The following GUCY2F variants were observed in gnomAD, a reference collection of about 807,000 sequenced individuals.
GUCY2F encodes retinal guanylyl cyclase 2.
Under a neutral mutation model 73.1 loss-of-function variants are expected in GUCY2F, and 61 were observed. The ratio of observed to expected loss-of-function variants is 0.83; its 90% CI spans 0.68 to 1.03. The LOEUF is 1.03. GUCY2F is among the 50% of genes least tolerant of loss of function. GUCY2F has a pLI of 0.00. For synonymous variants in GUCY2F, 331 were observed against 307.8 expected, an observed-to-expected ratio of 1.08 and a Z score of -0.79; for missense variants, 912 against 854.3, an observed-to-expected ratio of 1.07 and a Z score of -0.84.
At chrX:109,387,166 C>T (rs1333246952) in intron 15 of GUCY2F, among the ~76,000 whole-genome samples, 1 of 111,629 alleles carries the variant, frequency 9.0e-6, no homozygotes, top group East Asian at 2.8e-4. Flanking sequence ...CTTGGTGTCC[C>T]AGGCTTGGGT....
intron 8 of GUCY2F, among the ~76,000 whole-genome samples, 182 bp from the exon 9 acceptor site, chrX:109,409,350 C>A (rs1425451290): frequency 9.0e-6 from 1 of 111,390 alleles, no homozygotes; most frequent in Non-Finnish European, 1.9e-5. Context: ...TGTTATACAA[C>A]AAAAAGGAGA....
chrX:109,423,578 C>CA (rs998929351), intron 8 of GUCY2F, among the ~76,000 whole-genome samples: 1 of 96,046 alleles, frequency 1.0e-5, no homozygotes, highest in Non-Finnish European at 2.1e-5. Context: ...TCTTCTTTTC[C>CA]TTTTTTTTTT....
intron 19 of GUCY2F, among the ~76,000 whole-genome samples, chrX:109,373,662 G>A (rs183814394): frequency 8.9e-5 from 10 of 111,797 alleles, no homozygotes; most frequent in Admixed American, 3.8e-4. Flanking sequence ...TAATCAAAAC[G>A]AAACTGCCAA....
intron 8 of GUCY2F, among the ~76,000 whole-genome samples, chrX:109,416,933 C>CAAAAAAAAAA (rs367707786): frequency 1.7e-5 from 1 of 57,634 alleles, no homozygotes; most frequent in Non-Finnish European, 3.8e-5. Flanking sequence ...CAAAGAAATG[C>CAAAAAAAAAA]AAAAAAAAAA....
intron 7 of GUCY2F, among the ~76,000 whole-genome samples, chrX:109,432,227 C>T (rs985667233): frequency 8.0e-5 from 9 of 111,854 alleles, no homozygotes; most frequent in Admixed American, 1.9e-4. Flanking sequence ...CAGCCTTTGC[C>T]TTTTCCTCGT....
intron 4 of GUCY2F, 114 bp from the exon 5 acceptor site, chrX:109,452,221 C>G (rs1932150948): frequency 2.0e-6 from 1 of 494,341 alleles, no homozygotes; most frequent in Non-Finnish European, 3.5e-6. Context: ...CAAGCCACAT[C>G]TACCTAACCT....
At chrX:109,447,224 T>A (rs1265806067) in intron 6 of GUCY2F, among the ~76,000 whole-genome samples, 1 of 111,567 alleles carries the variant, frequency 9.0e-6, no homozygotes, top group Non-Finnish European at 1.9e-5. Flanking sequence ...TGGCGATTCC[T>A]CAAGGATCTA....
At chrX:109,398,811 A>T (rs1471102254) in intron 10 of GUCY2F, 113 bp from the exon 11 acceptor site, 3 of 631,351 alleles carry the variant, frequency 4.8e-6, no homozygotes, top group Non-Finnish European at 7.2e-6. Flanking sequence ...TTTTTATTAG[A>T]CAGACTGCCA....
At chrX:109,473,257 T>C (rs1932611181) in intron 2 of GUCY2F, among the ~76,000 whole-genome samples, 1 of 111,904 alleles carries the variant, frequency 8.9e-6, no homozygotes, top group Non-Finnish European at 1.9e-5. Context: ...TCCATAACCA[T>C]CCTCTCTGGG....
At chrX:109,455,750 AG>A (rs1012462720) in intron 3 of GUCY2F, among the ~76,000 whole-genome samples, 1 of 111,461 alleles carries the variant, frequency 9.0e-6, no homozygotes, top group African/African-American at 3.3e-5. Flanking sequence ...CATGGCCTTA[AG>A]TACTAGATCT....
At chrX:109,435,524 T>G (rs771474782) in intron 7 of GUCY2F, among the ~76,000 whole-genome samples, 230 of 110,777 alleles carry the variant, frequency 2.1e-3, no homozygotes, top group Middle Eastern at 0.014. Context: ...AAGGAGATTT[T>G]GGGCTGAGAC....
intron 7 of GUCY2F, among the ~76,000 whole-genome samples, chrX:109,437,315 T>C (rs1266345341): frequency 8.9e-6 from 1 of 112,468 alleles, no homozygotes; most frequent in African/African-American, 3.2e-5. Flanking sequence ...CGATTTGGCC[T>C]ACACCATTTA....
At chrX:109,426,121 A>G (rs1432738968) in intron 8 of GUCY2F, among the ~76,000 whole-genome samples, 1 of 112,493 alleles carries the variant, frequency 8.9e-6, no homozygotes, top group Admixed American at 9.4e-5. Context: ...AAGCACAAAG[A>G]AAGTTAAGAG....
chrX:109,398,645 C>A lies in GUCY2F; in HGVS notation c.2179G>T (p.Gly727Cys), dbSNP rs767127932. Residue 727 changes from glycine to cysteine, a missense_variant, in exon 11 of 20, where the codon GGT becomes TGT. Coordinates refer to ENST00000218006, the MANE Select transcript of GUCY2F (RefSeq NM_001522.3). ...CTATAGACATCTCCTGCAAAAGAAC[C>A]TAACCTGCTGCCTCTTGGAGCTCTC... is the stretch of plus-strand genomic sequence containing the variant. ...LLRAPRGSRL[G>C]SFAGDVYSFA... The A allele has an allele frequency of 4.1e-6, 5 of 1,209,817 alleles. No homozygotes were observed. Among genetic ancestry groups the A allele is most frequent in the Non-Finnish European group, 5.6e-6 (5 of 893,611 alleles).
chrX:109,435,179 C>T (rs1455675542), intron 7 of GUCY2F, among the ~76,000 whole-genome samples: 5 of 111,243 alleles, frequency 4.5e-5, no homozygotes, highest in Non-Finnish European at 7.5e-5. Context: ...CATCGGTAGC[C>T]TGATGGGGAT....
At chrX:109,420,154 G>A (rs1164753060) in intron 8 of GUCY2F, among the ~76,000 whole-genome samples, 1 of 102,517 alleles carries the variant, frequency 9.8e-6, no homozygotes, top group Admixed American at 1.1e-4. Context: ...TACACAAAAA[G>A]TAATTCAAAA....
chrX:109,448,087 A>T lies in GUCY2F; in HGVS notation c.1551T>A (p.Asn517Lys). 1 of 1,074,142 alleles carries T rather than the reference A, an allele frequency of 9.3e-7. No homozygotes were observed. The highest frequency in any genetic ancestry group is 1.3e-6 in the Non-Finnish European group (1 of 770,910). The allele number at this position is 1,074,142 out of a possible 1,213,427, so 88.5% of individuals were successfully genotyped here. A position where few individuals can be genotyped will look rare whatever the true frequency, so the allele number is the denominator to read the frequency against. ...TCCTTACCTTACTGCCAAAGTGGGG[A>T]TTGATAAACGTTACATCCTCCAAAG... ...LLTLEDVTFI[N>K]PHFGSKRGSR... The change falls in exon 6 of 20, where the codon AAT becomes AAA. Residue 517 changes from asparagine to lysine, a missense_variant. Coordinates refer to ENST00000218006, the MANE Select transcript of GUCY2F (RefSeq NM_001522.3).
intron 3 of GUCY2F, among the ~76,000 whole-genome samples, chrX:109,458,327 C>A (rs899625207): frequency 8.9e-6 from 1 of 111,793 alleles, no homozygotes; most frequent in Non-Finnish European, 1.9e-5. Context: ...CACTTCCCAG[C>A]TGTATGACCT....
chrX:109,466,074 T>C (rs754222685), intron 2 of GUCY2F, among the ~76,000 whole-genome samples: 10 of 111,862 alleles, frequency 8.9e-5, no homozygotes, highest in Non-Finnish European at 1.7e-4. Context: ...TTATAGACAA[T>C]GAAAAGCACT....
Sources: allele counts gnomAD v4.1 joint callset (sites outside exome capture counted in the v4.1 genomes callset), GRCh38; gene constraint gnomAD v4.1.1; transcripts MANE v1.5; gene names NCBI Gene and HGNC (gene_info 2026-07-23, HGNC 2026-07-21).